NRXN1: variants seen among roughly 807,000 people sequenced by gnomAD.
NRXN1 encodes the protein neurexin 1, also known as neurexin-1.
A neutral mutation model predicts 150.9 loss-of-function variants in NRXN1; 39 were observed. The observed-to-expected ratio is 0.26, with a 90% CI of 0.20 to 0.34. The LOEUF is 0.34. Ranked by LOEUF, NRXN1 falls within the 10% of genes least tolerant of loss-of-function variation. The pLI is 1.00. For synonymous variants in NRXN1, 924 were observed against 757.0 expected, an observed-to-expected ratio of 1.22 and a Z score of -3.62; for missense variants, 1,815 against 1,949.9, an observed-to-expected ratio of 0.93 and a Z score of 1.30.
chr2:50,130,366 A>G (rs1324062519), intron 18 of NRXN1, among the ~76,000 whole-genome samples: 1 of 152,136 alleles, frequency 6.6e-6, no homozygotes, highest in East Asian at 1.9e-4. Flanking sequence ...CTTCTTAGGC[A>G]TCCTCTTCTC....
At chr2:49,962,796 T>C (rs759779936) in intron 21 of NRXN1, among the ~76,000 whole-genome samples, 3 of 151,838 alleles carry the variant, frequency 2.0e-5, no homozygotes, top group Non-Finnish European at 2.9e-5. Context: ...TTACTAAAAA[T>C]ACAAAAATTA....
At chr2:50,932,394 A>G (rs1231597518) in intron 2 of NRXN1, among the ~76,000 whole-genome samples, 1 of 152,026 alleles carries the variant, frequency 6.6e-6, no homozygotes, top group Non-Finnish European at 1.5e-5. Flanking sequence ...CCTATGTATT[A>G]GGTCAATCTC....
chr2:50,903,657 T>G (rs1002625281), intron 5 of NRXN1, among the ~76,000 whole-genome samples: 1 of 152,198 alleles, frequency 6.6e-6, no homozygotes, highest in African/African-American at 2.4e-5. Context: ...CTTCTCCTAA[T>G]GGAAAGCCTC....
intron 17 of NRXN1, among the ~76,000 whole-genome samples, chr2:50,269,401 AT>A (rs1186006726): frequency 6.6e-6 from 1 of 152,198 alleles, no homozygotes; most frequent in Non-Finnish European, 1.5e-5. Flanking sequence ...TATGCACTGT[AT>A]TTCCCAACTT....
intron 18 of NRXN1, among the ~76,000 whole-genome samples, chr2:50,206,363 C>T (rs1279875509): frequency 6.6e-6 from 1 of 151,884 alleles, no homozygotes; most frequent in Non-Finnish European, 1.5e-5. Flanking sequence ...TGAAATTATC[C>T]AATTGGCATT....
intron 5 of NRXN1, among the ~76,000 whole-genome samples, chr2:50,628,779 T>C (rs1402213942): frequency 6.6e-6 from 1 of 151,520 alleles, no homozygotes; most frequent in Non-Finnish European, 1.5e-5. Flanking sequence ...AATAAATACT[T>C]ATATCTAGGA....
At position 50,090,490 on chromosome 2, in the gene NRXN1, G is replaced by C. The variant is rs906741986; in HGVS notation, c.3718+833C>G. Among the ~76,000 whole-genome samples, 3 of 152,204 alleles carry C rather than the reference G, an allele frequency of 2.0e-5. No individual in the cohort carries two copies. The South Asian group carries it at 6.2e-4, about 32-fold the overall frequency. On this transcript the variant is annotated intron_variant, in intron 19 of 22. Transcript: ENST00000401669. Reference sequence around the variant, plus strand: ...AATGAGACTGATGCTTTTAGTAATAGAGACGATAATGATTGCAGTAAAATA... The same window carrying C: ...AATGAGACTGATGCTTTTAGTAATACAGACGATAATGATTGCAGTAAAATA...
At chr2:49,980,234 C>A (rs550620102) in intron 21 of NRXN1, among the ~76,000 whole-genome samples, 1 of 152,140 alleles carries the variant, frequency 6.6e-6, no homozygotes, top group African/African-American at 2.4e-5. Context: ...ACAAGGCACA[C>A]GTTAAACATC....
At chr2:50,510,485 C>CAAAAA (rs540578029) in intron 12 of NRXN1, among the ~76,000 whole-genome samples, 8 of 39,684 alleles carry the variant, frequency 2.0e-4, no homozygotes, top group African/African-American at 6.0e-4. Context: ...GACTCCATCT[C>CAAAAA]AAAAAAAAAA....
At chr2:50,015,381 T>A (rs891970368) in intron 21 of NRXN1, among the ~76,000 whole-genome samples, 3 of 151,832 alleles carry the variant, frequency 2.0e-5, no homozygotes, top group Admixed American at 6.6e-5. Flanking sequence ...TAGTGAGACC[T>A]CCTAAGAGTT....
intron 18 of NRXN1, among the ~76,000 whole-genome samples, chr2:50,107,257 TA>T (rs3046682): frequency 0.23 from 32,590 of 143,448 alleles, 4,052 homozygotes; most frequent in Middle Eastern, 0.33. Flanking sequence ...TCTGATACAT[TA>T]AAAAAAAAAA....
intron 17 of NRXN1, among the ~76,000 whole-genome samples, chr2:50,276,935 T>C (rs933358847): frequency 6.6e-6 from 1 of 152,172 alleles, no homozygotes; most frequent in Non-Finnish European, 1.5e-5. Flanking sequence ...GTCTTACTTC[T>C]AGCCCCCCTG....
chr2:50,063,786 C>T (rs1387286375), intron 19 of NRXN1, among the ~76,000 whole-genome samples: 3 of 152,044 alleles, frequency 2.0e-5, no homozygotes, highest in Non-Finnish European at 2.9e-5. Flanking sequence ...ATTCTAGATT[C>T]CTTGTGAGCA....
At chr2:50,123,989 C>T (rs1046187820) in intron 18 of NRXN1, among the ~76,000 whole-genome samples, 13 of 151,870 alleles carry the variant, frequency 8.6e-5, no homozygotes, top group Admixed American at 5.9e-4. Flanking sequence ...TATTAAAAGC[C>T]GTGAGAGAGA....
At chr2:50,124,694 T>A (rs1348555196) in intron 18 of NRXN1, among the ~76,000 whole-genome samples, 1 of 152,176 alleles carries the variant, frequency 6.6e-6, no homozygotes, top group African/African-American at 2.4e-5. Context: ...AATTTTGACT[T>A]TTCTAGAATG....
chr2:50,998,697 G>C lies in NRXN1; in HGVS notation c.772+28805C>G, dbSNP rs915717849. 3.3e-5 allele frequency among the ~76,000 whole-genome samples: 5 copies of C among 151,882 alleles called. No individual in the cohort carries two copies. The South Asian group carries it at 8.3e-4, about 25-fold the overall frequency. ...TTAGAATATAAATCTACAGTAAAAT[G>C]GTATTGATGACAGAAACATTTTAAT... On this transcript the variant is annotated intron_variant, in intron 2 of 22. Coordinates refer to ENST00000401669, the MANE Select transcript of NRXN1 (RefSeq NM_001330078.2).
intron 18 of NRXN1, among the ~76,000 whole-genome samples, chr2:50,168,181 T>G (rs926913698): frequency 6.6e-6 from 1 of 152,178 alleles, no homozygotes; most frequent in Non-Finnish European, 1.5e-5. Context: ...GGGATGTTCA[T>G]GATGGACTGA....
intron 17 of NRXN1, among the ~76,000 whole-genome samples, chr2:50,457,257 A>T (rs2087663876): frequency 6.6e-6 from 1 of 152,130 alleles, no homozygotes; most frequent in South Asian, 2.1e-4. Context: ...TACATCTAAG[A>T]ATTAAGAGTG....
chr2:50,441,983 T>A (rs912539879), intron 17 of NRXN1, among the ~76,000 whole-genome samples: 16 of 152,186 alleles, frequency 1.1e-4, no homozygotes, highest in Non-Finnish European at 2.9e-5. Context: ...TGGATCAGCA[T>A]CCACTGGTAG....
Sources: allele counts gnomAD v4.1 joint callset (sites outside exome capture counted in the v4.1 genomes callset), GRCh38; gene constraint gnomAD v4.1.1; transcripts MANE v1.5; gene names NCBI Gene and HGNC (gene_info 2026-07-23, HGNC 2026-07-21).